TIGIT: variants seen among roughly 807,000 people sequenced by gnomAD.
TIGIT encodes T cell immunoreceptor with Ig and ITIM domains.
TIGIT carries 11 observed loss-of-function variants against 19.6 expected under a neutral mutation model. The observed-to-expected ratio is 0.56, with a 90% CI of 0.35 to 0.93. The LOEUF (loss-of-function observed/expected upper bound fraction) is 0.93. Ranked by LOEUF, TIGIT falls within the 40% of genes least tolerant of loss-of-function variation. TIGIT has a pLI of 0.01. For missense variants in TIGIT, 295 were observed against 303.9 expected, an observed-to-expected ratio of 0.97 and a Z score of 0.22; for synonymous variants, 130 against 125.5, an observed-to-expected ratio of 1.04 and a Z score of -0.24.
rs558224155 is a variant in TIGIT, at chr3:114,304,314, A to G, written c.499-3581A>G. On this transcript the variant is annotated intron_variant, in intron 3 of 3. Coordinates refer to ENST00000383671, the MANE Select transcript of TIGIT (RefSeq NM_173799.4). ...AAGCCATCTTTAGTTCAAGGGCTGTAAAAAACCAGCAGTGGGCCATATTTG... is the reference window on the plus strand; with the variant it reads ...AAGCCATCTTTAGTTCAAGGGCTGTGAAAAACCAGCAGTGGGCCATATTTG... 4.6e-5 allele frequency among the ~76,000 whole-genome samples: 7 copies of G among 152,312 alleles called. No individual in the cohort carries two copies. The South Asian group carries it at 1.0e-3, about 23-fold the overall frequency.
intron 3 of TIGIT, among the ~76,000 whole-genome samples, chr3:114,306,848 G>A (rs898814404): frequency 6.6e-6 from 1 of 152,132 alleles, no homozygotes; most frequent in African/African-American, 2.4e-5. Context: ...TGCATCTCAG[G>A]TTAAGCACCC....
At chr3:114,299,344 C>T (rs572212604) in intron 2 of TIGIT, among the ~76,000 whole-genome samples, 56 of 152,150 alleles carry the variant, frequency 3.7e-4, no homozygotes, top group African/African-American at 1.3e-3. Flanking sequence ...ATAGAAGAAA[C>T]GAATGTTAAA....
Position 114,309,121 on chromosome 3 carries a change from GA to G in TIGIT, c.*996del, listed in dbSNP as rs1377077282. ...TGCATCAATACACTCTTGAGCCTTT[GA>G]AAAAAGAACGTTTCCCACTAAAAAG... On this transcript the variant is annotated 3_prime_UTR_variant, in exon 4 of 4. Transcript: ENST00000383671. 1 of 151,982 alleles carries G rather than the reference GA, an allele frequency of 6.6e-6. No homozygotes were observed. The allele number at this position is 151,982 out of a possible 1,614,324, so 9.4% of individuals were successfully genotyped here. A position where few individuals can be genotyped will look rare whatever the true frequency, so the allele number is the denominator to read the frequency against.
intron 3 of TIGIT, among the ~76,000 whole-genome samples, chr3:114,305,818 A>T (rs566384597): frequency 6.7e-6 from 1 of 150,010 alleles, no homozygotes; most frequent in African/African-American, 2.5e-5. Flanking sequence ...GGATGGATGG[A>T]TGGATGGATG....
Position 114,308,269 on chromosome 3 carries a change from G to A in TIGIT, c.*138G>A, listed in dbSNP as rs1158575646. On this transcript the variant is annotated 3_prime_UTR_variant, in exon 4 of 4. Coordinates refer to ENST00000383671, the MANE Select transcript of TIGIT (RefSeq NM_173799.4). ...TGTGTGTTCAGTTGAGTGAATAAAT[G>A]TCATCCTCTTCTCCATCTTCATTTC... 4.3e-6 allele frequency: 3 copies of A among 701,634 alleles called. No individual in the cohort carries two copies. Among genetic ancestry groups the A allele is most frequent in the East Asian group, 2.5e-5 (1 of 39,726 alleles). The allele number at this position is 701,634 out of a possible 1,614,324, so 43.5% of individuals were successfully genotyped here.
At chr3:114,303,438 G>A (rs997212832) in intron 3 of TIGIT, among the ~76,000 whole-genome samples, 4 of 150,598 alleles carry the variant, frequency 2.7e-5, no homozygotes, top group African/African-American at 4.9e-5. Flanking sequence ...CATCCAGGCT[G>A]CTGCAAATGC....
At chr3:114,307,610 CAAGAA>C in intron 3 of TIGIT, 1 of 409,290 alleles carries the variant, frequency 2.4e-6, no homozygotes, top group Non-Finnish European at 4.5e-6. Flanking sequence ...GTAAACAGTA[CAAGAA>C]AATAGAGAAT....
chr3:114,294,469 C>T lies in TIGIT; in HGVS notation c.61+347C>T, dbSNP rs2078440738. Among the ~76,000 whole-genome samples, 4 of 152,078 alleles carry T rather than the reference C, an allele frequency of 2.6e-5. No individual in the cohort carries two copies. In the South Asian group the frequency reaches 8.3e-4, roughly 32 times the overall value. On this transcript the variant is annotated intron_variant, in intron 1 of 3. Transcript: ENST00000383671. ...TCCTGCTCCAGCTTCTTTTCTGTTG[C>T]CTTTCAGGAACTTTCCAGGAAAACA...
chr3:114,308,426 T>C lies in TIGIT; in HGVS notation c.*295T>C, dbSNP rs534571222. The C allele has an allele frequency of 7.2e-6, 2 of 276,444 alleles. No individual in the cohort carries two copies. The highest frequency in any genetic ancestry group is 2.2e-5 in the African/African-American group (1 of 45,304). The allele number at this position is 276,444 out of a possible 1,614,324, so 17.1% of individuals were successfully genotyped here. A position where few individuals can be genotyped will look rare whatever the true frequency, so the allele number is the denominator to read the frequency against. ...AATCTGGCAGTTTGAGCAGATCCTA[T>C]GTCTCTGAGAGACACATTCCTCATA... On this transcript the variant is annotated 3_prime_UTR_variant, in exon 4 of 4. Coordinates refer to ENST00000383671, the MANE Select transcript of TIGIT (RefSeq NM_173799.4).
At chr3:114,303,556 T>C (rs2078508226) in intron 3 of TIGIT, among the ~76,000 whole-genome samples, 1 of 6,148 alleles carries the variant, frequency 1.6e-4, no homozygotes. Flanking sequence ...TATATGTATA[T>C]ATATATACAT....
chr3:114,304,880 C>G (rs937846615), intron 3 of TIGIT, among the ~76,000 whole-genome samples: 4 of 152,214 alleles, frequency 2.6e-5, no homozygotes, highest in African/African-American at 4.8e-5. Flanking sequence ...GACTCCTCCT[C>G]TACTATCAAG....
At position 114,308,499 on chromosome 3, in the gene TIGIT, GGCAT is replaced by G. The variant is rs1181973886; in HGVS notation, c.*370_*373del. ...AGGTTTTGTGGTTGATGATGAGGAT[GGCAT>G]GACTGCAGAGCCATCCTCATCTCAT... On this transcript the variant is annotated 3_prime_UTR_variant, in exon 4 of 4. Coordinates refer to ENST00000383671, the MANE Select transcript of TIGIT (RefSeq NM_173799.4). 2 of 189,468 alleles carry G rather than the reference GGCAT, an allele frequency of 1.1e-5. No individual in the cohort carries two copies. Among genetic ancestry groups the G allele is most frequent in the Admixed American group, 1.1e-4 (2 of 17,480 alleles). 11.7% of individuals were successfully genotyped at this position (189,468 alleles called of 1,614,324 possible).
chr3:114,303,778 C>T (rs2107953619), intron 3 of TIGIT, among the ~76,000 whole-genome samples: 1 of 151,858 alleles, frequency 6.6e-6, no homozygotes, highest in East Asian at 1.9e-4. Context: ...TGGATAGATA[C>T]CCAGTAGTGG....
intron 1 of TIGIT, among the ~76,000 whole-genome samples, chr3:114,294,327 A>C (rs2078439938): frequency 6.6e-6 from 1 of 152,168 alleles, no homozygotes; most frequent in Non-Finnish European, 1.5e-5. Context: ...TTGGTGGCAG[A>C]TGAAGGACTT....
At chr3:114,304,838 C>T (rs1161040458) in intron 3 of TIGIT, among the ~76,000 whole-genome samples, 1 of 152,198 alleles carries the variant, frequency 6.6e-6, no homozygotes, top group African/African-American at 2.4e-5. Flanking sequence ...TCAAATGCAT[C>T]TTTCCAGAGA....
At position 114,294,105 on chromosome 3, in the gene TIGIT, A is replaced by T; in HGVS notation, c.44A>T (p.Gln15Leu). 5 of 1,554,998 alleles carry T rather than the reference A, an allele frequency of 3.2e-6. No individual in the cohort carries two copies. The highest frequency in any genetic ancestry group is 4.4e-6 in the Non-Finnish European group (5 of 1,148,248). Residue 15 changes from glutamine to leucine, a missense_variant, in exon 1 of 4, where the codon CAG (glutamine) becomes CTG (leucine). Transcript: ENST00000383671. ...LLLIWAQGLR[Q>L]APLASGMMTG... is the part of the protein sequence containing the mutation. Reference sequence around the variant, plus strand: ...CTGATCTGGGCCCAGGGGCTGAGGCAGGCTCCCCTCGCCTCAGGTAAGGCC... The same window carrying T: ...CTGATCTGGGCCCAGGGGCTGAGGCTGGCTCCCCTCGCCTCAGGTAAGGCC...
At chr3:114,305,343 G>T (rs2078525853) in intron 3 of TIGIT, among the ~76,000 whole-genome samples, 1 of 152,164 alleles carries the variant, frequency 6.6e-6, no homozygotes, top group Non-Finnish European at 1.5e-5. Context: ...TGCCTTCTAG[G>T]ACTATTCCCA....
intron 2 of TIGIT, among the ~76,000 whole-genome samples, chr3:114,297,559 G>A (rs866168672): frequency 1.6e-4 from 24 of 152,138 alleles, no homozygotes; most frequent in Non-Finnish European, 2.1e-4. Context: ...CGGCAGGACC[G>A]GGAACAGGGA....
chr3:114,305,093 C>G (rs957541498), intron 3 of TIGIT, among the ~76,000 whole-genome samples: 1 of 152,152 alleles, frequency 6.6e-6, no homozygotes, highest in African/African-American at 2.4e-5. Context: ...TTCAGTCCAT[C>G]GGTGCAATTT....
Sources: allele counts gnomAD v4.1 joint callset (sites outside exome capture counted in the v4.1 genomes callset), GRCh38; gene constraint gnomAD v4.1.1; transcripts MANE v1.5; gene names NCBI Gene and HGNC (gene_info 2026-07-23, HGNC 2026-07-21).